Variants in NKD2 observed in about 807,000 individuals in gnomAD.
The protein encoded by NKD2 is protein naked cuticle homolog 2.
Under a neutral mutation model 34.8 loss-of-function variants are expected in NKD2, and 43 were observed. The observed-to-expected ratio is 1.24, with a 90% CI of 0.97 to 1.60. The LOEUF is 1.60. Among genes scored for constraint, NKD2 ranks in the 40% most tolerant of loss-of-function variants. The pLI, the probability that NKD2 is intolerant of heterozygous loss-of-function variation, is 0.00. For synonymous variants in NKD2, 278 were observed against 265.1 expected, an observed-to-expected ratio of 1.05 and a Z score of -0.47; for missense variants, 675 against 627.1, an observed-to-expected ratio of 1.08 and a Z score of -0.82.
intron 9 of NKD2, chr5:1,037,419 G>A: frequency 2.7e-6 from 3 of 1,097,690 alleles, no homozygotes; most frequent in Non-Finnish European, 3.9e-6. Context: ...GCAGTCCTGA[G>A]TCCTTCTCAA....
rs568541350 is a variant in NKD2, at chr5:1,027,965, G to T, written c.142-4187G>T. ...GGGTTCCGACAGACGGGGTGGCTCTGGGGGGCAGTGGTGCTCCAGCTGCTG... is the reference window on the plus strand; with the variant it reads ...GGGTTCCGACAGACGGGGTGGCTCTTGGGGGCAGTGGTGCTCCAGCTGCTG... On this transcript the variant is annotated intron_variant, in intron 3 of 9. Coordinates refer to ENST00000296849, the MANE Select transcript of NKD2 (RefSeq NM_033120.4). Among the ~76,000 whole-genome samples, 9 of 152,362 alleles carry T rather than the reference G, an allele frequency of 5.9e-5. 1 individual carries two copies. The South Asian group carries it at 1.7e-3, about 28-fold the overall frequency.
At chr5:1,037,765 C>G (rs1434694975) in intron 9 of NKD2, 40 bp from the exon 10 acceptor site, 1 of 1,564,432 alleles carries the variant, frequency 6.4e-7, no homozygotes, top group African/African-American at 1.3e-5. Context: ...GAACCTGAGC[C>G]TGCACTCCCA....
intron 3 of NKD2, among the ~76,000 whole-genome samples, chr5:1,011,020 C>T (rs1221114821): frequency 1.3e-5 from 2 of 152,228 alleles, no homozygotes; most frequent in African/African-American, 4.8e-5. Flanking sequence ...ACGATGTCAG[C>T]GTGAGGGCTG....
At chr5:1,033,283 G>C in intron 4 of NKD2, 89 bp from the exon 5 acceptor site, 1 of 1,254,364 alleles carries the variant, frequency 8.0e-7, no homozygotes, top group Non-Finnish European at 1.1e-6. Context: ...TCATGGTGTG[G>C]TGAGGGGAGA....
In NKD2 at chr5:1,038,348, A is replaced by G. The variant is rs1382054741; in HGVS notation, c.1331A>G (p.His444Arg). The change falls in exon 10 of 10, where the codon CAC (histidine) becomes CGC (arginine). Residue 444 changes from histidine to arginine, a missense_variant. His to Arg is a conservative substitution (Grantham distance 29). Transcript: ENST00000296849. The surrounding 1 kb of genome is among the most constrained non-coding windows in gnomAD (Gnocchi z 4.5). ...HHHHEHHHHH[H>R]HHHFHPS ...CACCACGAGCACCACCACCACCACC[A>G]CCACCACCACTTCCACCCGTCCTAG... 3.9e-6 allele frequency: 6 copies of G among 1,535,040 alleles called. No individual in the cohort carries two copies. Among genetic ancestry groups the G allele is most frequent in the Middle Eastern group, 1.8e-4 (1 of 5,442 alleles).
Position 1,034,739 on chromosome 5 carries a change from C to A in NKD2, c.427-17C>A. The stretch of plus-strand genomic sequence containing the variant: ...CCTGGGGTCTGCTCTGTCAGTGAAA[C>A]TGATGCCGGGCCCCAGGACATGTCC... On this transcript the variant is annotated splice_polypyrimidine_tract_variant and intron_variant, in intron 6 of 9. Transcript: ENST00000296849. 1 of 1,603,802 alleles carries A rather than the reference C, an allele frequency of 6.2e-7. No individual in the cohort carries two copies. Among genetic ancestry groups the A allele is most frequent in the Non-Finnish European group, 8.5e-7 (1 of 1,172,914 alleles).
In NKD2 at chr5:1,027,378, A is replaced by T. The variant is rs373042351; in HGVS notation, c.142-4774A>T. 3.9e-5 allele frequency among the ~76,000 whole-genome samples: 6 copies of T among 152,310 alleles called. No homozygotes were observed. In the East Asian group the frequency reaches 9.7e-4, roughly 25 times the overall value. ...AGCTGTGCCTTCTGGATAACGTCCC[A>T]GACTTGGGGTTCCACACCCACTCCA... On this transcript the variant is annotated intron_variant, in intron 3 of 9. Coordinates refer to ENST00000296849, the MANE Select transcript of NKD2 (RefSeq NM_033120.4).
intron 3 of NKD2, among the ~76,000 whole-genome samples, chr5:1,015,750 C>T (rs1415390616): frequency 2.0e-5 from 3 of 152,210 alleles, no homozygotes; most frequent in Non-Finnish European, 2.9e-5. Context: ...TCGGCCTGTC[C>T]ATGTGTGGAA....
intron 3 of NKD2, among the ~76,000 whole-genome samples, chr5:1,027,108 C>T (rs541125809): frequency 9.5e-4 from 144 of 152,374 alleles, no homozygotes; most frequent in African/African-American, 3.4e-3. Context: ...CCCCTGGGCA[C>T]AGCTCGAGAG....
chr5:1,026,191 C>T (rs1478460979), intron 3 of NKD2, among the ~76,000 whole-genome samples: 1 of 57,104 alleles, frequency 1.8e-5, no homozygotes, highest in Non-Finnish European at 4.2e-5. Context: ...GCTCTTCCCA[C>T]CCTCTGTGGG....
intron 4 of NKD2, among the ~76,000 whole-genome samples, chr5:1,033,031 C>CGCAG (rs56413108): frequency 6.6e-6 from 1 of 151,710 alleles, no homozygotes; most frequent in Non-Finnish European, 1.5e-5. Flanking sequence ...GGGACTGTGT[C>CGCAG]TATGGGGAGG....
intron 3 of NKD2, among the ~76,000 whole-genome samples, chr5:1,028,514 C>T (rs761916900): frequency 5.3e-5 from 8 of 151,980 alleles, no homozygotes; most frequent in African/African-American, 9.7e-5. Flanking sequence ...GGCCCACGGT[C>T]GGGTTCCTGT....
intron 9 of NKD2, 94 bp from the exon 10 acceptor site, chr5:1,037,711 G>T: frequency 6.5e-7 from 1 of 1,548,602 alleles, no homozygotes; most frequent in Non-Finnish European, 8.7e-7. Context: ...GGGACCCCTG[G>T]CGCAGCTCTT....
rs369511358 is a variant in NKD2, at chr5:1,035,298, ATGAG to A, written c.575-81_575-78del. 67 of 981,260 alleles carry A rather than the reference ATGAG, an allele frequency of 6.8e-5. No individual in the cohort carries two copies. In the African/African-American group the frequency reaches 1.0e-3, roughly 15 times the overall value. 60.8% of individuals were successfully genotyped at this position (981,260 alleles called of 1,614,324 possible). On this transcript the variant is annotated intron_variant, in intron 7 of 9. Coordinates refer to ENST00000296849, the MANE Select transcript of NKD2 (RefSeq NM_033120.4). ...AACCAGTGAGTTAATGAATGAATGA[ATGAG>A]TGAGTGAGTTAATGAATGAGTGAAT...
chr5:1,034,436 T>C (rs922563632), intron 6 of NKD2, 106 bp downstream of exon 6: 7 of 918,408 alleles, frequency 7.6e-6, no homozygotes, highest in Non-Finnish European at 1.2e-5. Context: ...ACCTGCCTGC[T>C]GCGAGGTCCT....
At chr5:1,015,590 C>A (rs945118381) in intron 3 of NKD2, among the ~76,000 whole-genome samples, 2 of 152,160 alleles carry the variant, frequency 1.3e-5, no homozygotes, top group Non-Finnish European at 2.9e-5. Context: ...GCCTATGACA[C>A]CCCTAGGGAG....
At chr5:1,030,442 A>G (rs1249454987) in intron 3 of NKD2, among the ~76,000 whole-genome samples, 1 of 152,200 alleles carries the variant, frequency 6.6e-6, no homozygotes, top group Non-Finnish European at 1.5e-5. Flanking sequence ...GGTCCATCCC[A>G]CGAGGATTCT....
chr5:1,021,356 C>G (rs1229544612), intron 3 of NKD2, among the ~76,000 whole-genome samples: 2 of 124,110 alleles, frequency 1.6e-5, no homozygotes, highest in Non-Finnish European at 3.4e-5. Context: ...GCTGACCCGG[C>G]CCCCCGCCCC....
rs966175766 is a variant in NKD2, at chr5:1,028,321, C to T, written c.142-3831C>T. 1.8e-4 allele frequency among the ~76,000 whole-genome samples: 28 copies of T among 152,300 alleles called. No homozygotes were observed. In the East Asian group the frequency reaches 3.3e-3, roughly 18 times the overall value. ...TGAAGCAAAGGCTACCTGTTGTTGA[C>T]GCCGTGTGACAGACGCCTGCTGCTC... On this transcript the variant is annotated intron_variant, in intron 3 of 9. Transcript: ENST00000296849.
Sources: allele counts gnomAD v4.1 joint callset (sites outside exome capture counted in the v4.1 genomes callset), GRCh38; gene constraint gnomAD v4.1.1; non-coding constraint Gnocchi (gnomAD v3.1); transcripts MANE v1.5; gene names NCBI Gene and HGNC (gene_info 2026-07-23, HGNC 2026-07-21).